ABCC5: variants seen among roughly 807,000 people sequenced by gnomAD.
The protein encoded by ABCC5 is ATP-binding cassette sub-family C member 5.
ABCC5 carries 61 observed loss-of-function variants against 160.9 expected under a neutral mutation model. The ratio of observed to expected loss-of-function variants is 0.38; its 90% CI spans 0.31 to 0.47. The LOEUF (loss-of-function observed/expected upper bound fraction) is 0.47, where lower values mean the gene tolerates loss of function less well. ABCC5 is among the 20% of genes least tolerant of loss of function. The pLI, the probability that ABCC5 is intolerant of heterozygous loss-of-function variation, is 0.99. For synonymous variants in ABCC5, 666 were observed against 700.6 expected (o/e 0.95, Z 0.78); for missense variants, 1,308 against 1,813.3 (o/e 0.72, Z 5.06).
Position 183,963,639 on chromosome 3 carries a change from C to A in ABCC5, c.2032-51G>T. The A allele has an allele frequency of 6.3e-7, 1 of 1,576,438 alleles. No homozygotes were observed. The highest frequency in any genetic ancestry group is 8.7e-7 in the Non-Finnish European group (1 of 1,152,872). ...AGCCTCCAGCGCAAGTCCAGAACAGCGTGGAGGGGTCACCCAGTCACTTCT... is the reference window on the plus strand; with the variant it reads ...AGCCTCCAGCGCAAGTCCAGAACAGAGTGGAGGGGTCACCCAGTCACTTCT... On this transcript the variant is annotated intron_variant, in intron 14 of 29. Coordinates refer to ENST00000334444, the MANE Select transcript of ABCC5 (RefSeq NM_005688.4). This position sits in a 1 kb window ranked among gnomAD's most constrained non-coding sequence, Gnocchi z 4.6.
chr3:183,978,315 T>A (rs1431310543), intron 9 of ABCC5, among the ~76,000 whole-genome samples, 188 bp downstream of exon 9: 1 of 24,000 alleles, frequency 4.2e-5, no homozygotes, highest in Non-Finnish European at 7.6e-5. Context: ...ATATGTGGTA[T>A]TTTTTTTTTG....
intron 2 of ABCC5, among the ~76,000 whole-genome samples, chr3:184,002,228 G>A (rs1021131801): frequency 6.6e-6 from 1 of 151,754 alleles, no homozygotes; most frequent in South Asian, 2.1e-4. Context: ...TGAAATCCCG[G>A]TCTCTACTAA....
chr3:183,945,139 G>C (rs1331683461), intron 24 of ABCC5, among the ~76,000 whole-genome samples: 1 of 152,194 alleles, frequency 6.6e-6, no homozygotes, highest in African/African-American at 2.4e-5. Flanking sequence ...TAAGCCTTCG[G>C]AACTGTGAGT....
At chr3:183,954,727 G>A (rs547977701) in intron 17 of ABCC5, among the ~76,000 whole-genome samples, 6 of 152,254 alleles carry the variant, frequency 3.9e-5, no homozygotes, top group East Asian at 1.9e-4. Flanking sequence ...ACCTTGAGAC[G>A]GGTCTCAATC....
intron 25 of ABCC5, among the ~76,000 whole-genome samples, chr3:183,939,768 C>G (rs1337838544): frequency 6.6e-6 from 1 of 152,204 alleles, no homozygotes; most frequent in South Asian, 2.1e-4. Flanking sequence ...CTTTCTGCAA[C>G]TTGGTTCCAT....
rs146356450 is a variant in ABCC5, at chr3:183,940,613, C to T, written c.3694+2114G>A. 1.8e-4 allele frequency among the ~76,000 whole-genome samples: 27 copies of T among 151,954 alleles called. No homozygotes were observed. In the East Asian group the frequency reaches 5.2e-3, roughly 29 times the overall value. On this transcript the variant is annotated intron_variant, in intron 25 of 29. Coordinates refer to ENST00000334444, the MANE Select transcript of ABCC5 (RefSeq NM_005688.4). ...TCTAAGCTAAGGAAGGAATGGTGCC[C>T]GAAACAATGGGTCAAGTTGTTCCAG...
intron 5 of ABCC5, chr3:183,985,049 A>G: frequency 1.4e-6 from 1 of 699,798 alleles, no homozygotes; most frequent in Non-Finnish European, 2.3e-6. Flanking sequence ...CGAAACTTTC[A>G]AAGGGGGGGA....
At position 183,967,872 on chromosome 3, in the gene ABCC5, TC is replaced by T. The variant is rs1717371776; in HGVS notation, c.1762-107del. The T allele has an allele frequency of 8.7e-6, 8 of 924,594 alleles. No homozygotes were observed. The Admixed American group carries it at 1.1e-4, about 13-fold the overall frequency. 57.3% of individuals were successfully genotyped at this position (924,594 alleles called of 1,614,324 possible). A position where few individuals can be genotyped will look rare whatever the true frequency, so the allele number is the denominator to read the frequency against. The stretch of plus-strand genomic sequence containing the variant: ...ACTGTAGTCTACCCATACAGAACTG[TC>T]ACCCTGATGACTCAGCAGGCCACTT... On this transcript the variant is annotated intron_variant, in intron 11 of 29. Coordinates refer to ENST00000334444, the MANE Select transcript of ABCC5 (RefSeq NM_005688.4).
chr3:183,968,571 A>G (rs1402791242), intron 11 of ABCC5, among the ~76,000 whole-genome samples: 1 of 152,228 alleles, frequency 6.6e-6, no homozygotes, highest in East Asian at 1.9e-4. Context: ...AAATCTGAGG[A>G]ATATTTATAC....
intron 2 of ABCC5, among the ~76,000 whole-genome samples, chr3:183,994,916 G>T (rs1168565586): frequency 6.7e-6 from 1 of 149,266 alleles, no homozygotes; most frequent in Non-Finnish European, 1.5e-5. Context: ...GGAGTGCAAT[G>T]GCATGATCAC....
intron 5 of ABCC5, chr3:183,984,689 T>G (rs971840198): frequency 8.0e-6 from 12 of 1,493,530 alleles, no homozygotes; most frequent in Non-Finnish European, 1.1e-5. Flanking sequence ...TTATATCCAT[T>G]GCTTGGGTCA....
intron 26 of ABCC5, among the ~76,000 whole-genome samples, chr3:183,930,462 C>T (rs147225772): frequency 6.4e-4 from 98 of 152,286 alleles, no homozygotes; most frequent in East Asian, 1.7e-3. Context: ...CCAAAAGACA[C>T]CTAAGTACCT....
chr3:183,937,817 G>A (rs1713890904), intron 26 of ABCC5, 84 bp downstream of exon 26: 2 of 1,458,116 alleles, frequency 1.4e-6, no homozygotes, highest in African/African-American at 1.4e-5. Flanking sequence ...ATGGTCCCAG[G>A]GGGCGGTGCT....
rs1716965994 is a variant in ABCC5 at position 183,963,579 on chromosome 3, G to A, written c.2041C>T (p.Arg681Ter). 5.6e-6 allele frequency: 9 copies of A among 1,613,682 alleles called. No individual in the cohort carries two copies. The highest frequency in any genetic ancestry group is 6.8e-6 in the Non-Finnish European group (8 of 1,180,032). The change falls in exon 15 of 30, where the codon CGA (arginine) becomes TGA (stop). Residue 681 changes from arginine to a stop codon, truncating the protein, a stop_gained. Coordinates refer to ENST00000334444, the MANE Select transcript of ABCC5 (RefSeq NM_005688.4). LOFTEE classifies it high-confidence loss of function. This position sits in a 1 kb window ranked among gnomAD's most constrained non-coding sequence, Gnocchi z 4.6. ...PSSDLTEIGE[R>*]GANLSGGQRQ... is the part of the protein sequence containing the mutation. ...TGCCCACCGCTCAGGTTGGCTCCTC[G>A]CTCTCCAATCTACAAGAGCCCAGAA...
chr3:183,926,059 C>T (rs534236642), intron 28 of ABCC5, among the ~76,000 whole-genome samples: 1 of 148,760 alleles, frequency 6.7e-6, no homozygotes, highest in South Asian at 2.1e-4. Context: ...AGGATGGTCT[C>T]GACCTCCTGA....
Position 183,951,639 on chromosome 3 carries a change from T to TAGCG in ABCC5, c.2815-70_2815-69insCGCT. The TAGCG allele has an allele frequency of 6.4e-7, 1 of 1,572,768 alleles. No homozygotes were observed. The highest frequency in any genetic ancestry group is 8.6e-7 in the Non-Finnish European group (1 of 1,158,640). On this transcript the variant is annotated intron_variant, in intron 19 of 29. Coordinates refer to ENST00000334444, the MANE Select transcript of ABCC5 (RefSeq NM_005688.4). The surrounding 1 kb of genome is among the most constrained non-coding windows in gnomAD (Gnocchi z 4.7). ...TGTTCCTACTGGTCCAGAGAACCGC[T>TAGCG]CCGCAGCACATCCACTCCCAAAGCG...
chr3:183,955,991 C>T (rs1244740639), intron 17 of ABCC5, among the ~76,000 whole-genome samples: 2 of 141,090 alleles, frequency 1.4e-5, no homozygotes, highest in African/African-American at 5.2e-5. Context: ...CATGCAGCTC[C>T]ATGTGTATAT....
At chr3:183,929,445 AAAAT>A (rs1712952199) in intron 26 of ABCC5, among the ~76,000 whole-genome samples, 1 of 152,162 alleles carries the variant, frequency 6.6e-6, no homozygotes, top group African/African-American at 2.4e-5. Context: ...TAAATAAAAT[AAAAT>A]AAAATAAAAA....
Position 183,961,506 on chromosome 3 carries a change from C to A in ABCC5, c.2379+5G>T, listed in dbSNP as rs773692950. The A allele has an allele frequency of 1.9e-6, 3 of 1,613,944 alleles. No homozygotes were observed. The South Asian group carries it at 3.3e-5, about 18-fold the overall frequency. On this transcript the variant is annotated splice_donor_5th_base_variant and intron_variant, in intron 16 of 29. Transcript: ENST00000334444. ...GGGACACACGCAAACACCATCAGAT[C>A]TTACCTCAACTGGCGGTGTCTCTCC... is the stretch of plus-strand genomic sequence containing the variant.
Sources: allele counts gnomAD v4.1 joint callset (sites outside exome capture counted in the v4.1 genomes callset), GRCh38; gene constraint gnomAD v4.1.1; non-coding constraint Gnocchi (gnomAD v3.1); transcripts MANE v1.5; gene names NCBI Gene and HGNC (gene_info 2026-07-23, HGNC 2026-07-21).